Variants in CSMD3 observed in about 807,000 individuals in gnomAD.
CSMD3 encodes the protein CUB and Sushi multiple domains 3.
CSMD3 carries 177 observed loss-of-function variants against 435.2 expected under a neutral mutation model. That is an observed-to-expected ratio of 0.41 (90% CI 0.36 to 0.46). The LOEUF (loss-of-function observed/expected upper bound fraction) is 0.46, where lower values mean the gene tolerates loss of function less well. Ranked by LOEUF, CSMD3 falls within the 20% of genes least tolerant of loss-of-function variation. CSMD3 has a pLI of 0.34. For missense variants in CSMD3, 4,265 were observed against 4,504.6 expected, an observed-to-expected ratio of 0.95 and a Z score of 1.52; for synonymous variants, 1,656 against 1,520.5, an observed-to-expected ratio of 1.09 and a Z score of -2.07.
At chr8:112,336,008 G>C (rs934426834) in intron 44 of CSMD3, among the ~76,000 whole-genome samples, 1 of 151,990 alleles carries the variant, frequency 6.6e-6, no homozygotes, top group Non-Finnish European at 1.5e-5. Context: ...GACCTCCCAG[G>C]CTCAAGGGAT....
At chr8:112,364,447 T>C (rs1293848614) in intron 38 of CSMD3, among the ~76,000 whole-genome samples, 1 of 152,066 alleles carries the variant, frequency 6.6e-6, no homozygotes, top group African/African-American at 2.4e-5. Flanking sequence ...CATTACTTCA[T>C]GCAGCCTTCT....
chr8:112,252,813 G>T (rs149799972), intron 63 of CSMD3, among the ~76,000 whole-genome samples: 1,657 of 150,562 alleles, frequency 0.011, 35 homozygotes, highest in African/African-American at 0.038. Context: ...TATATAAGTA[G>T]ACTTTACCAT....
intron 5 of CSMD3, among the ~76,000 whole-genome samples, chr8:113,054,199 C>T (rs1037684597): frequency 5.3e-5 from 8 of 152,108 alleles, no homozygotes; most frequent in African/African-American, 1.9e-4. Context: ...TTCTCTTTTC[C>T]CATTTTCCTT....
intron 12 of CSMD3, among the ~76,000 whole-genome samples, chr8:112,806,927 C>A (rs892843197): frequency 6.6e-6 from 1 of 152,136 alleles, no homozygotes; most frequent in African/African-American, 2.4e-5. Context: ...GATTCGAAAT[C>A]AAACCAAGTT....
Position 113,405,623 on chromosome 8 carries a change from G to A in CSMD3, c.178+31054C>T, listed in dbSNP as rs114369155. ...TTTACCTGTAAACGGAGGGAAGAAA[G>A]TAATTTCAAGAGTGAAGTGAAATGA... On this transcript the variant is annotated intron_variant, in intron 1 of 70. Coordinates refer to ENST00000297405, the MANE Select transcript of CSMD3 (RefSeq NM_198123.2). 3.9e-3 allele frequency among the ~76,000 whole-genome samples: 587 copies of A among 151,798 alleles called. 2 individuals carry two copies. Among genetic ancestry groups the A allele is most frequent in the African/African-American group, 0.014 (564 of 41,548 alleles).
intron 58 of CSMD3, among the ~76,000 whole-genome samples, chr8:112,285,230 G>T (rs1301602658): frequency 6.6e-6 from 1 of 151,996 alleles, no homozygotes; most frequent in Non-Finnish European, 1.5e-5. Context: ...GCTGAACAAA[G>T]GACTGACTTA....
chr8:112,690,887 T>A (rs2076121012), intron 13 of CSMD3, among the ~76,000 whole-genome samples: 1 of 151,752 alleles, frequency 6.6e-6, no homozygotes. Flanking sequence ...TAAAAAAAAA[T>A]ACAAATTAAA....
At chr8:113,288,645 T>C (rs1350843365) in intron 2 of CSMD3, among the ~76,000 whole-genome samples, 2 of 151,858 alleles carry the variant, frequency 1.3e-5, no homozygotes, top group Non-Finnish European at 2.9e-5. Context: ...TTAAATATAT[T>C]TTACAGTTTC....
Position 113,027,883 on chromosome 8 carries a change from G to A in CSMD3, c.918-8704C>T, listed in dbSNP as rs375156982. The stretch of plus-strand genomic sequence containing the variant: ...TCCTTTTATCTAGAAACATGCTTCA[G>A]AAAAATCTATGTTTATATATTAGAT... On this transcript the variant is annotated intron_variant, in intron 5 of 70. Transcript: ENST00000297405. Among the ~76,000 whole-genome samples, 98 of 151,984 alleles carry A rather than the reference G, an allele frequency of 6.4e-4. No homozygotes were observed. In the South Asian group the frequency reaches 0.02, roughly 31 times the overall value.
chr8:113,184,833 A>G (rs2092475107), intron 3 of CSMD3, among the ~76,000 whole-genome samples: 2 of 152,130 alleles, frequency 1.3e-5, no homozygotes, highest in South Asian at 4.1e-4. Flanking sequence ...TGTCTTCTCT[A>G]GCTCTGAATC....
chr8:112,587,977 T>A (rs1413800179), intron 22 of CSMD3, among the ~76,000 whole-genome samples: 3 of 151,822 alleles, frequency 2.0e-5, no homozygotes, highest in African/African-American at 7.2e-5. Context: ...CTCAACAAAT[T>A]TAGTTCGAAC....
chr8:112,883,835 A>G (rs1035598891), intron 10 of CSMD3, among the ~76,000 whole-genome samples: 1 of 150,606 alleles, frequency 6.6e-6, no homozygotes, highest in African/African-American at 2.5e-5. Flanking sequence ...TATTTTGCCA[A>G]TTGTCACTTT....
chr8:112,288,265 G>A (rs918960853), intron 57 of CSMD3, among the ~76,000 whole-genome samples: 2 of 151,086 alleles, frequency 1.3e-5, no homozygotes, highest in Admixed American at 6.6e-5. Context: ...AATACATTGT[G>A]GGGTGGGGGC....
intron 3 of CSMD3, 37 bp downstream of exon 3, chr8:113,278,547 GATTACATT>G: frequency 1.1e-6 from 1 of 908,538 alleles, no homozygotes; most frequent in Non-Finnish European, 1.9e-6. Flanking sequence ...AATTTTGTTA[GATTACATT>G]AAGGGCAGTG....
chr8:112,750,452 A>G (rs2077542059), intron 13 of CSMD3, among the ~76,000 whole-genome samples: 1 of 152,074 alleles, frequency 6.6e-6, no homozygotes, highest in Non-Finnish European at 1.5e-5. Flanking sequence ...GAAATAAATA[A>G]GAAACATAAC....
At chr8:112,298,894 C>A (rs1018462722) in intron 53 of CSMD3, among the ~76,000 whole-genome samples, 9 of 152,046 alleles carry the variant, frequency 5.9e-5, no homozygotes, top group African/African-American at 2.2e-4. Context: ...ATGCGTATGT[C>A]CACAAAAAGA....
At chr8:112,549,107 T>C (rs1827449825) in intron 27 of CSMD3, among the ~76,000 whole-genome samples, 1 of 152,066 alleles carries the variant, frequency 6.6e-6, no homozygotes, top group Non-Finnish European at 1.5e-5. Context: ...TATTACTGTA[T>C]GCAGATATTT....
chr8:112,384,794 A>T (rs1829789978), intron 36 of CSMD3, among the ~76,000 whole-genome samples: 1 of 152,224 alleles, frequency 6.6e-6, no homozygotes, highest in East Asian at 1.9e-4. Flanking sequence ...TAAGACCAGA[A>T]GTAAAGCCGT....
rs1489803718 is a variant in CSMD3 at position 112,645,056 on chromosome 8, A to T, written c.3310+53T>A. ...GTAAAGGAAAGTGAAATAAGAATAG[A>T]CTCAATGAAAATTCAGAAGATAGTC... is the stretch of plus-strand genomic sequence containing the variant. On this transcript the variant is annotated intron_variant, in intron 20 of 70. Transcript: ENST00000297405. The T allele has an allele frequency of 5.5e-6, 5 of 908,376 alleles. No individual in the cohort carries two copies. In the African/African-American group the frequency reaches 8.1e-5, roughly 15 times the overall value. 56.3% of individuals were successfully genotyped at this position (908,376 alleles called of 1,614,324 possible). A position where few individuals can be genotyped will look rare whatever the true frequency, so the allele number is the denominator to read the frequency against.
Sources: gnomAD v4.1 joint callset for allele counts (sites outside exome capture counted in the v4.1 genomes callset) on GRCh38, gnomAD v4.1.1 for gene constraint, MANE v1.5 for transcripts, NCBI Gene and HGNC (gene_info 2026-07-23, HGNC 2026-07-21) for gene names.